Variants in ZNF883 observed in about 807,000 individuals in gnomAD.
ZNF883 encodes the protein zinc finger protein 883.
At chr9:112,997,216 G>C (rs1365387715) in exon 1 of ZNF883, 5 of 1,613,798 alleles carry the variant, frequency 3.1e-6, no homozygotes, top group Non-Finnish European at 4.2e-6. Flanking sequence ...TACATTGATA[G>C]GGTCTCTCCC....
upstream of ZNF883, chr9:112,998,378 C>G (rs929404676): frequency 2.7e-6 from 2 of 739,474 alleles, no homozygotes; most frequent in Non-Finnish European, 3.9e-6. Flanking sequence ...TGCATCCTTT[C>G]TTATATCTAA....
chr9:112,997,842 G>GGGCAGAGATATGGCTGA, exon 1 of ZNF883: 2 of 1,612,704 alleles, frequency 1.2e-6, no homozygotes, highest in Non-Finnish European at 1.7e-6. Flanking sequence ...TGTTGAGTAA[G>GGGCAGAGATATGGCTGA]GGCAGAGATA....
chr9:112,995,560 C>T (rs1020046486), downstream of ZNF883, among the ~76,000 whole-genome samples: 1 of 151,314 alleles, frequency 6.6e-6, no homozygotes, highest in Non-Finnish European at 1.5e-5. Flanking sequence ...TCCATTCCTT[C>T]TCTTCCTTCT....
chr9:112,998,391 A>G, upstream of ZNF883: 1 of 686,940 alleles, frequency 1.5e-6, no homozygotes. Context: ...ATATCTAATA[A>G]ATTATTTTTC....
chr9:112,997,290 T>C (rs1238844080), exon 1 of ZNF883: 1 of 1,614,086 alleles, frequency 6.2e-7, no homozygotes, highest in Non-Finnish European at 8.5e-7. Context: ...CCACATTCAT[T>C]ACACTGGTAG....
intron 2 of ZNF883, among the ~76,000 whole-genome samples, chr9:113,008,130 A>G (rs1221208835): frequency 6.6e-6 from 1 of 152,216 alleles, no homozygotes. Context: ...TTAGTTTTTA[A>G]TCAGGTAGTT....
chr9:112,995,247 G>A (rs1426499827), downstream of ZNF883, among the ~76,000 whole-genome samples: 1 of 151,938 alleles, frequency 6.6e-6, no homozygotes, highest in Non-Finnish European at 1.5e-5. Flanking sequence ...CTTCAAGCTG[G>A]GACACTAGTC....
chr9:113,000,274 C>T (rs1017785082), upstream of ZNF883, among the ~76,000 whole-genome samples: 2 of 151,972 alleles, frequency 1.3e-5, no homozygotes, highest in Non-Finnish European at 2.9e-5. Flanking sequence ...TTTTTGGAAA[C>T]CAGAGGCAAA....
exon 1 of ZNF883, chr9:112,998,095 A>G (rs1347401873): frequency 6.2e-7 from 1 of 1,613,932 alleles, no homozygotes; most frequent in South Asian, 1.1e-5. Flanking sequence ...GTTGAACAAG[A>G]TTACTGTTCC....
At chr9:112,995,398 C>A (rs1379349817), downstream of ZNF883, among the ~76,000 whole-genome samples, 1 of 152,062 alleles carries the variant, frequency 6.6e-6, no homozygotes, top group Admixed American at 6.5e-5. Context: ...AGATCTTGGG[C>A]TTCTTATCAT....
chr9:113,002,239 A>G (rs1420300105), upstream of ZNF883, among the ~76,000 whole-genome samples: 1 of 152,216 alleles, frequency 6.6e-6, no homozygotes, highest in Non-Finnish European at 1.5e-5. Context: ...TTATTATTTG[A>G]TGTCTACTAC....
At chr9:112,989,999 C>A (rs1238844243) in intron 1 of ZNF883, among the ~76,000 whole-genome samples, 2 of 152,142 alleles carry the variant, frequency 1.3e-5, no homozygotes, top group Non-Finnish European at 2.9e-5. Flanking sequence ...TGCTTATCAG[C>A]TTAAGAAGCT....
At chr9:113,003,349 T>C (rs1235351300) in intron 2 of ZNF883, among the ~76,000 whole-genome samples, 1 of 152,184 alleles carries the variant, frequency 6.6e-6, no homozygotes, top group Non-Finnish European at 1.5e-5. Flanking sequence ...CTTCCCAGCT[T>C]GCTGAACTGG....
At chr9:113,009,167 C>T (rs10817425) in intron 2 of ZNF883, among the ~76,000 whole-genome samples, 71,714 of 151,838 alleles carry the variant, frequency 0.47, 18,674 homozygotes, top group East Asian at 0.81. Flanking sequence ...CTATTCAAAA[C>T]CCTATGAAAA....
At chr9:112,993,804 C>T (rs1828324264), downstream of ZNF883, among the ~76,000 whole-genome samples, 1 of 152,218 alleles carries the variant, frequency 6.6e-6, no homozygotes, top group Admixed American at 6.5e-5. Context: ...TTGATCAGGG[C>T]CTGGCCTAAA....
chr9:112,997,699 C>G lies in ZNF883; in HGVS notation n.561G>C, dbSNP rs747168233. 3 of 1,612,648 alleles carry G rather than the reference C, an allele frequency of 1.9e-6. No homozygotes were observed. In the African/African-American group the frequency reaches 4.0e-5, roughly 22 times the overall value. On this transcript the variant is annotated non_coding_transcript_exon_variant, in exon 1 of 1. Transcript: ENST00000639662. ...GTGATGTACTGTGGCAAAAAACTTT[C>G]CGACATTGCTTACACTGGTAGGATT...
chr9:112,991,448 AGT>A (rs2118597849), intron 1 of ZNF883, among the ~76,000 whole-genome samples: 1 of 151,392 alleles, frequency 6.6e-6, no homozygotes, highest in South Asian at 2.1e-4. Context: ...GGTCTGAGAG[AGT>A]GTGATTTATG....
At chr9:112,997,268 C>T in exon 1 of ZNF883, 1 of 1,614,164 alleles carries the variant, frequency 6.2e-7, no homozygotes. Flanking sequence ...TGAGCTTAAG[C>T]TGAAGGATTT....
At chr9:112,991,730 T>C (rs1236791539) in intron 1 of ZNF883, among the ~76,000 whole-genome samples, 1 of 152,198 alleles carries the variant, frequency 6.6e-6, no homozygotes, top group African/African-American at 2.4e-5. Flanking sequence ...TCTTTGTCGG[T>C]CTCTAAGAAC....
Sources: gnomAD v4.1 joint callset for allele counts (sites outside exome capture counted in the v4.1 genomes callset) on GRCh38, gnomAD v4.1.1 for gene constraint, MANE v1.5 for transcripts, NCBI Gene and HGNC (gene_info 2026-07-23, HGNC 2026-07-21) for gene names.